Variants in CPNE6 observed in about 807,000 individuals in gnomAD.
CPNE6 encodes copine-6.
A neutral mutation model predicts 71.5 loss-of-function variants in CPNE6; 33 were observed. That is an observed-to-expected ratio of 0.46 (90% confidence interval 0.35 to 0.62). The LOEUF is 0.62. Ranked by LOEUF, CPNE6 falls within the 20% of genes least tolerant of loss-of-function variation. The probability of loss-of-function intolerance (pLI) is 0.00; values close to 1 mark genes in which losing one functional copy is unlikely to be tolerated. For missense variants in CPNE6, 576 were observed against 747.3 expected (o/e 0.77, Z 2.67); for synonymous variants, 296 against 293.0 (o/e 1.01, Z -0.10).
intron 1 of CPNE6, chr14:24,071,068 G>T: frequency 1.3e-6 from 2 of 1,522,556 alleles, no homozygotes; most frequent in Non-Finnish European, 1.8e-6. Flanking sequence ...GGACAGCCCA[G>T]TGTTCCTGTA....
Position 24,073,043 on chromosome 14 carries a change from C to T in CPNE6, c.107C>T (p.Thr36Ile), listed in dbSNP as rs1284201257. ...TGCCATGGCCTCCTGGACCGGGACA[C>T]ACTCACCAAACCCCACCCCTGCGTG... The change falls in exon 3 of 18, where the codon ACA becomes ATA. Residue 36 changes from threonine (T) to isoleucine (I), a missense_variant. Thr to Ile is a moderately conservative substitution (Grantham distance 89). Coordinates refer to ENST00000397016, the Ensembl canonical transcript of CPNE6. This position sits in a 1 kb window ranked among gnomAD's most constrained non-coding sequence, Gnocchi z 5.5. 1.9e-6 allele frequency: 3 copies of T among 1,569,826 alleles called. No homozygotes were observed. The highest frequency in any genetic ancestry group is 2.6e-6 in the Non-Finnish European group (3 of 1,159,650).
At chr14:24,071,829 C>G (rs2138841165) in intron 2 of CPNE6, 188 bp downstream of exon 1, 1 of 557,534 alleles carries the variant, frequency 1.8e-6, no homozygotes, top group East Asian at 3.0e-5. Flanking sequence ...AGAGACCCCC[C>G]TCCCCCAGCC....
In CPNE6 at chr14:24,074,790, C is replaced by T. The variant is rs762078610; in HGVS notation, c.667C>T (p.Leu223Phe). The T allele has an allele frequency of 1.2e-6, 2 of 1,611,936 alleles. No individual in the cohort carries two copies. Among genetic ancestry groups the T allele is most frequent in the Non-Finnish European group, 1.7e-6 (2 of 1,179,080 alleles). The change falls in exon 8 of 18, where the codon CTC (leucine) becomes TTC (phenylalanine). Residue 223 changes from leucine to phenylalanine, a missense_variant. By Grantham distance (22) the Leu-to-Phe change is conservative. This residue lies in a region of CPNE6 where 214 missense variants were observed against 291.2 expected (regional missense o/e 0.73). Coordinates refer to ENST00000397016, the Ensembl canonical transcript of CPNE6. This position sits in a 1 kb window ranked among gnomAD's most constrained non-coding sequence, Gnocchi z 4.5. ...ATGCAGCTGTGATGTTCACCGACCT[C>T]TCAAGGTGAAGTCCCAGCCAAGCCA...
intron 12 of CPNE6, 39 bp downstream of exon 11, chr14:24,076,321 C>G (rs777522417): frequency 7.4e-6 from 12 of 1,614,212 alleles, no homozygotes; most frequent in Admixed American, 3.3e-5. Context: ...GGCAGGGAGG[C>G]CTTGCCCAAC....
chr14:24,077,432 TTC>T lies in CPNE6; in HGVS notation c.1536+45_1536+46del. The stretch of plus-strand genomic sequence containing the variant: ...CCTTCCGGCTGAAGGACTCCTCAGC[TTC>T]TCATCCCCCCAAATCTGACCTTCGT... On this transcript the variant is annotated intron_variant, in intron 16 of 17. Transcript: ENST00000397016. The surrounding 1 kb of genome is among the most constrained non-coding windows in gnomAD (Gnocchi z 6.1). 1 of 1,586,466 alleles carries T rather than the reference TTC, an allele frequency of 6.3e-7. No homozygotes were observed. The highest frequency in any genetic ancestry group is 1.1e-5 in the South Asian group (1 of 90,530).
At chr14:24,071,494 G>A in intron 1 of CPNE6, 68 bp from the exon 1 acceptor site, 2 of 1,527,402 alleles carry the variant, frequency 1.3e-6, no homozygotes, top group Non-Finnish European at 8.8e-7. Context: ...GGGGGAGCTG[G>A]TGCTGCGCCC....
chr14:24,077,360 C>A lies in CPNE6; in HGVS notation c.1506C>A (p.Val502=). The A allele has an allele frequency of 1.9e-6, 3 of 1,614,012 alleles. No individual in the cohort carries two copies. Among genetic ancestry groups the A allele is most frequent in the Non-Finnish European group, 2.5e-6 (3 of 1,180,000 alleles). The change falls in exon 16 of 18, where the codon GTC becomes GTA. Residue 502 remains valine (V), a synonymous_variant. Transcript: ENST00000397016. This position sits in a 1 kb window ranked among gnomAD's most constrained non-coding sequence, Gnocchi z 6.1. ...GGGTGCCTGCAGCCCGAGACATTGT[C>A]CAGTTCGTGCCCTTCCGAGACTTCA...
In CPNE6 at chr14:24,077,414, GC is replaced by G; in HGVS notation, c.1536+25del. ...ATGTGAGTCCCCCGGGCCCCTTCCG[GC>G]TGAAGGACTCCTCAGCTTCTCATCC... On this transcript the variant is annotated intron_variant, in intron 16 of 17. Coordinates refer to ENST00000397016, the Ensembl canonical transcript of CPNE6. The surrounding 1 kb of genome is among the most constrained non-coding windows in gnomAD (Gnocchi z 6.1). 1 of 1,602,462 alleles carries G rather than the reference GC, an allele frequency of 6.2e-7. No homozygotes were observed. The highest frequency in any genetic ancestry group is 8.5e-7 in the Non-Finnish European group (1 of 1,169,698).
In CPNE6 at chr14:24,077,199, A is replaced by G. The variant is rs2138855524; in HGVS notation, c.1345A>G (p.Met449Val). Residue 449 changes from methionine (M) to valine (V), a missense_variant, in exon 16 of 18, where the codon ATG becomes GTG. Met to Val is a conservative substitution (Grantham distance 21). This residue lies in a region of CPNE6 where 264 missense variants were observed against 339.9 expected (regional missense o/e 0.78). Transcript: ENST00000397016. The surrounding 1 kb of genome is among the most constrained non-coding windows in gnomAD (Gnocchi z 6.1). ...GCTCACTGACGGTGTGGTGAGCGAC[A>G]TGGCTGAGACTCGCACTGCTATCGT... The G allele has an allele frequency of 1.9e-6, 3 of 1,610,406 alleles. No individual in the cohort carries two copies. Among genetic ancestry groups the G allele is most frequent in the Non-Finnish European group, 2.5e-6 (3 of 1,179,980 alleles).
rs945122681 is a variant in CPNE6, at chr14:24,075,411, C to T, written c.778-94C>T. On this transcript the variant is annotated intron_variant, in intron 9 of 17. Transcript: ENST00000397016. This position sits in a 1 kb window ranked among gnomAD's most constrained non-coding sequence, Gnocchi z 4.3. Reference sequence around the variant, plus strand: ...ACCTGGGCTCAGCTGAAGGACGGAACCATGGGGGTCTTGCTCTGGGAGGCT... The same window carrying T: ...ACCTGGGCTCAGCTGAAGGACGGAATCATGGGGGTCTTGCTCTGGGAGGCT... The T allele has an allele frequency of 7.1e-7, 1 of 1,417,810 alleles. No individual in the cohort carries two copies. Among genetic ancestry groups the T allele is most frequent in the Non-Finnish European group, 9.9e-7 (1 of 1,009,868 alleles). The allele number at this position is 1,417,810 out of a possible 1,614,324, so 87.8% of individuals were successfully genotyped here. A position where few individuals can be genotyped will look rare whatever the true frequency, so the allele number is the denominator to read the frequency against.
chr14:24,071,599 G>A, exon 2 of CPNE6: 1 of 1,331,724 alleles, frequency 7.5e-7, no homozygotes, highest in South Asian at 1.3e-5. Context: ...GTCAGGGCCA[G>A]GGCCAGAGAG....
chr14:24,071,912 C>A (rs1294676691), intron 2 of CPNE6: 1 of 412,226 alleles, frequency 2.4e-6, no homozygotes, highest in Non-Finnish European at 4.3e-6. Context: ...AAAGGTCCCA[C>A]TTCTGAGGGA....
rs2036024806 is a variant in CPNE6 at position 24,075,295 on chromosome 14, C to T, written c.777+19C>T. On this transcript the variant is annotated intron_variant, in intron 9 of 17. Coordinates refer to ENST00000397016, the Ensembl canonical transcript of CPNE6. This position sits in a 1 kb window ranked among gnomAD's most constrained non-coding sequence, Gnocchi z 4.3. ...GCAGGAGGTGCCACAAATACCCCAC[C>T]CCCAGAATCCCACCCAGATCCCTGG... 5.7e-6 allele frequency: 9 copies of T among 1,586,048 alleles called. No homozygotes were observed. Among genetic ancestry groups the T allele is most frequent in the Non-Finnish European group, 7.8e-6 (9 of 1,154,384 alleles).
chr14:24,076,773 G>C lies in CPNE6; in HGVS notation c.1166-106G>C, dbSNP rs114078013. 10 of 1,564,608 alleles carry C rather than the reference G, an allele frequency of 6.4e-6. No individual in the cohort carries two copies. The Middle Eastern group carries it at 6.7e-4, about 104-fold the overall frequency. ...CTCCCACTGCTTAATGAAGGAACTC[G>C]AGGGGAGGGCAGTCCTCAGACCTGG... On this transcript the variant is annotated intron_variant, in intron 14 of 17. Transcript: ENST00000397016.
chr14:24,073,080 C>T lies in CPNE6; in HGVS notation c.144C>T (p.Leu48=). 1 of 1,499,886 alleles carries T rather than the reference C, an allele frequency of 6.7e-7. No individual in the cohort carries two copies. The highest frequency in any genetic ancestry group is 2.5e-5 in the East Asian group (1 of 39,230). 92.9% of individuals were successfully genotyped at this position (1,499,886 alleles called of 1,614,324 possible). The change falls in exon 3 of 18, where the codon CTC becomes CTT. Residue 48 remains leucine (L), a synonymous_variant. Coordinates refer to ENST00000397016, the Ensembl canonical transcript of CPNE6. The surrounding 1 kb of genome is among the most constrained non-coding windows in gnomAD (Gnocchi z 5.5). ...CCCACCCCTGCGTGCTGCTCAAGCTCTACTCTGATGAGCAGTGGGTGGAGG... is the reference window on the plus strand; with the variant it reads ...CCCACCCCTGCGTGCTGCTCAAGCTTTACTCTGATGAGCAGTGGGTGGAGG...
In CPNE6 at chr14:24,073,249, T is replaced by A. The variant is rs3742497; in HGVS notation, c.168+145T>A. On this transcript the variant is annotated intron_variant, in intron 3 of 17. Coordinates refer to ENST00000397016, the Ensembl canonical transcript of CPNE6. This position sits in a 1 kb window ranked among gnomAD's most constrained non-coding sequence, Gnocchi z 5.5. ...GGCCGCTTGGGTACCCTGGAGATGG[T>A]GTCCCAGAGGGTCCTGAGATTGACC... 0.84 allele frequency: 780,657 copies of A among 933,336 alleles called. 328,407 individuals carry two copies. The highest frequency in any genetic ancestry group is 0.89 in the Admixed American group (25,249 of 28,388). 57.8% of individuals were successfully genotyped at this position (933,336 alleles called of 1,614,324 possible).
chr14:24,076,485 G>C (rs1466630988), intron 13 of CPNE6, 21 bp from the exon 13 acceptor site: 1 of 1,614,050 alleles, frequency 6.2e-7, no homozygotes, highest in African/African-American at 1.3e-5. Flanking sequence ...GGCCCTCACT[G>C]CTCCCGCCTT....
Position 24,073,235 on chromosome 14 carries a change from T to G in CPNE6, c.168+131T>G. ...CGGCGCCTTCTCGAGGCCGCTTGGG[T>G]ACCCTGGAGATGGTGTCCCAGAGGG... On this transcript the variant is annotated intron_variant, in intron 3 of 17. Coordinates refer to ENST00000397016, the Ensembl canonical transcript of CPNE6. The surrounding 1 kb of genome is among the most constrained non-coding windows in gnomAD (Gnocchi z 5.5). 1 of 1,078,852 alleles carries G rather than the reference T, an allele frequency of 9.3e-7. No individual in the cohort carries two copies. The highest frequency in any genetic ancestry group is 1.2e-6 in the Non-Finnish European group (1 of 800,530). 66.8% of individuals were successfully genotyped at this position (1,078,852 alleles called of 1,614,324 possible).
At position 24,074,630 on chromosome 14, in the gene CPNE6, T is replaced by A; in HGVS notation, c.582+16T>A. The A allele has an allele frequency of 1.2e-6, 2 of 1,613,954 alleles. No homozygotes were observed. The highest frequency in any genetic ancestry group is 1.7e-6 in the Non-Finnish European group (2 of 1,179,858). On this transcript the variant is annotated intron_variant, in intron 7 of 17. Coordinates refer to ENST00000397016, the Ensembl canonical transcript of CPNE6. This position sits in a 1 kb window ranked among gnomAD's most constrained non-coding sequence, Gnocchi z 4.5. ...GAGAACTGAGGTTGGTGCCTGGGGC[T>A]ATGGGGATGAAGGGAGGGAGAGTAA... is the stretch of plus-strand genomic sequence containing the variant.
Sources: allele counts gnomAD v4.1 joint callset, GRCh38; gene constraint gnomAD v4.1.1; regional missense constraint gnomAD v4.1.1; non-coding constraint Gnocchi (gnomAD v3.1); transcripts MANE v1.5; gene names NCBI Gene and HGNC (gene_info 2026-07-23, HGNC 2026-07-21).